The following DENND4A variants were observed in gnomAD, a reference collection of about 807,000 sequenced individuals.
DENND4A encodes the protein DENN domain containing 4A.
A neutral mutation model predicts 199.3 loss-of-function variants in DENND4A; 70 were observed. That is an observed-to-expected ratio of 0.35 (90% CI 0.29 to 0.43). The LOEUF is 0.43. Among genes scored for constraint, DENND4A ranks in the 20% least tolerant of loss-of-function variants. DENND4A has a pLI of 1.00. For missense variants in DENND4A, 1,723 were observed against 2,255.8 expected, an observed-to-expected ratio of 0.76 and a Z score of 4.78; for synonymous variants, 686 against 766.9, an observed-to-expected ratio of 0.89 and a Z score of 1.74.
chr15:65,731,465 A>C (rs2140392878), intron 9 of DENND4A, 177 bp downstream of exon 9: 3 of 637,048 alleles, frequency 4.7e-6, no homozygotes, highest in Middle Eastern at 5.1e-4. Context: ...CTATTAGAAA[A>C]GTTTCCTTTT....
intron 1 of DENND4A, among the ~76,000 whole-genome samples, chr15:65,768,077 G>A (rs2077030758): frequency 6.6e-6 from 1 of 152,070 alleles, no homozygotes; most frequent in Admixed American, 6.6e-5. Flanking sequence ...GTAGTGGCAC[G>A]ATCATGGCTC....
chr15:65,692,265 CAT>C (rs2076998801), intron 22 of DENND4A, among the ~76,000 whole-genome samples: 1 of 152,158 alleles, frequency 6.6e-6, no homozygotes, highest in South Asian at 2.1e-4. Flanking sequence ...CCTTGCTTAA[CAT>C]ATTGATTGCA....
intron 1 of DENND4A, among the ~76,000 whole-genome samples, chr15:65,763,695 A>G (rs1454732586): frequency 3.3e-5 from 5 of 151,882 alleles, no homozygotes; most frequent in Non-Finnish European, 5.9e-5. Flanking sequence ...AAAAAAAAAA[A>G]AAAAAAAATT....
intron 11 of DENND4A, among the ~76,000 whole-genome samples, chr15:65,724,656 C>T (rs779477126): frequency 6.6e-6 from 1 of 152,048 alleles, no homozygotes; most frequent in Non-Finnish European, 1.5e-5. Flanking sequence ...GAATTTGTCC[C>T]CTCTATCTTT....
intron 14 of DENND4A, among the ~76,000 whole-genome samples, chr15:65,709,719 A>AAAAAACATATATATATAT (rs1218030026): frequency 1.9e-5 from 1 of 51,470 alleles, no homozygotes; most frequent in Non-Finnish European, 3.1e-5. Context: ...AAAAAAAAAA[A>AAAAAACATATATATATAT]ATATATATAT....
At chr15:65,721,100 A>C (rs980795401) in intron 12 of DENND4A, among the ~76,000 whole-genome samples, 14 of 150,822 alleles carry the variant, frequency 9.3e-5, no homozygotes, top group Admixed American at 1.3e-4. Flanking sequence ...GGCCTGAGCC[A>C]CCCTGCCCAG....
intron 1 of DENND4A, among the ~76,000 whole-genome samples, chr15:65,775,004 C>A (rs2077242533): frequency 6.6e-6 from 1 of 151,560 alleles, no homozygotes; most frequent in Non-Finnish European, 1.5e-5. Flanking sequence ...CCCAAGTAGC[C>A]ACCACACACA....
intron 1 of DENND4A, among the ~76,000 whole-genome samples, chr15:65,764,046 T>C (rs2076921491): frequency 6.6e-6 from 1 of 152,218 alleles, no homozygotes; most frequent in Non-Finnish European, 1.5e-5. Context: ...AATTATTTAT[T>C]TTATTGGTAG....
At chr15:65,692,719 T>C (rs1338276049) in intron 22 of DENND4A, among the ~76,000 whole-genome samples, 1 of 152,154 alleles carries the variant, frequency 6.6e-6, no homozygotes. Flanking sequence ...AAGAACACAC[T>C]TTCTTCTGAT....
intron 1 of DENND4A, among the ~76,000 whole-genome samples, chr15:65,770,255 G>A (rs1364827782): frequency 6.6e-6 from 1 of 151,888 alleles, no homozygotes; most frequent in Non-Finnish European, 1.5e-5. Flanking sequence ...AACTTCTTTG[G>A]ATCCTGCTTA....
At chr15:65,724,152 G>A (rs140915136) in intron 11 of DENND4A, among the ~76,000 whole-genome samples, 1 of 151,948 alleles carries the variant, frequency 6.6e-6, no homozygotes, top group Non-Finnish European at 1.5e-5. Flanking sequence ...TAACTCCCAG[G>A]CTCAAGTGGT....
At chr15:65,748,218 T>A (rs1567072978) in intron 4 of DENND4A, among the ~76,000 whole-genome samples, 1 of 151,992 alleles carries the variant, frequency 6.6e-6, no homozygotes, top group Non-Finnish European at 1.5e-5. Flanking sequence ...TAGGACACTG[T>A]AAATATCTGC....
chr15:65,733,807 C>G (rs1038060280), intron 7 of DENND4A, among the ~76,000 whole-genome samples: 1 of 152,178 alleles, frequency 6.6e-6, no homozygotes, highest in Non-Finnish European at 1.5e-5. Context: ...CTCTCTGAAA[C>G]ATGTGCTGTG....
At chr15:65,718,455 A>G (rs1038195300) in intron 12 of DENND4A, among the ~76,000 whole-genome samples, 2 of 152,182 alleles carry the variant, frequency 1.3e-5, no homozygotes, top group Non-Finnish European at 1.5e-5. Flanking sequence ...ACATAAATAT[A>G]TATCACTCAT....
In DENND4A at chr15:65,691,239, T is replaced by C. The variant is rs372904526; in HGVS notation, c.3355A>G (p.Thr1119Ala). The change falls in exon 23 of 33, where the codon ACG (threonine) becomes GCG (alanine). Residue 1119 changes from threonine to alanine, a missense_variant. Thr to Ala is a moderately conservative substitution (Grantham distance 58). This residue lies in a region of DENND4A where 650 missense variants were observed against 738.1 expected (regional missense o/e 0.88). Transcript: ENST00000443035. ...KILSNVISKS[T>A]RPNTLDIGKP... ...CCAATATCAAGAGTATTTGGTCTCG[T>C]GCTTTTTGAGATAACATTTGAAAGA... The C allele has an allele frequency of 6.7e-4, 1,084 of 1,613,388 alleles. 7 individuals are homozygous for C. In the South Asian group the frequency reaches 0.011, roughly 17 times the overall value.
intron 1 of DENND4A, among the ~76,000 whole-genome samples, chr15:65,772,883 C>T (rs754344316): frequency 2.0e-5 from 3 of 151,608 alleles, no homozygotes; most frequent in African/African-American, 4.9e-5. Flanking sequence ...TGAGGATACA[C>T]GAAGTCAGCA....
intron 1 of DENND4A, among the ~76,000 whole-genome samples, chr15:65,770,478 GCATTT>G (rs1422531027): frequency 2.0e-5 from 3 of 151,954 alleles, no homozygotes; most frequent in African/African-American, 7.3e-5. Context: ...TATCAGTATA[GCATTT>G]CATTTCTATG....
chr15:65,701,945 T>C (rs886248181), intron 17 of DENND4A, 55 bp from the exon 18 acceptor site: 17 of 1,605,384 alleles, frequency 1.1e-5, no homozygotes, highest in African/African-American at 1.3e-5. Flanking sequence ...TGTACATAAA[T>C]CTAGAATAAA....
At chr15:65,703,586 T>G (rs887958790) in intron 15 of DENND4A, among the ~76,000 whole-genome samples, 1 of 152,164 alleles carries the variant, frequency 6.6e-6, no homozygotes, top group African/African-American at 2.4e-5. Context: ...GAAGGCTAAA[T>G]AAGAGGAAGA....
Sources: allele counts gnomAD v4.1 joint callset (sites outside exome capture counted in the v4.1 genomes callset), GRCh38; gene constraint gnomAD v4.1.1; regional missense constraint gnomAD v4.1.1; transcripts MANE v1.5; gene names NCBI Gene and HGNC (gene_info 2026-07-23, HGNC 2026-07-21).